CILK1: variants seen among roughly 807,000 people sequenced by gnomAD.
The protein encoded by CILK1 is ciliogenesis associated kinase 1.
A neutral mutation model predicts 79.2 loss-of-function variants in CILK1; 47 were observed. The ratio of observed to expected loss-of-function variants is 0.59; its 90% confidence interval spans 0.47 to 0.76. The LOEUF (loss-of-function observed/expected upper bound fraction) is 0.76. Ranked by LOEUF, CILK1 falls within the 30% of genes least tolerant of loss-of-function variation. The probability of loss-of-function intolerance (pLI) is 0.00; values close to 1 mark genes in which losing one functional copy is unlikely to be tolerated. For synonymous variants in CILK1, 266 were observed against 275.9 expected, an observed-to-expected ratio of 0.96 and a Z score of 0.36; for missense variants, 660 against 769.5, an observed-to-expected ratio of 0.86 and a Z score of 1.68.
In CILK1 at chr6:53,018,341, T is replaced by A. The variant is rs759836069; in HGVS notation, c.652A>T (p.Thr218Ser). 1.2e-6 allele frequency: 2 copies of A among 1,614,166 alleles called. No individual in the cohort carries two copies. Among genetic ancestry groups the A allele is most frequent in the East Asian group, 2.2e-5 (1 of 44,884 alleles). ...TIFKICQVLGTPKKTDWPEGY... is the reference protein window; with the variant it reads ...TIFKICQVLGSPKKTDWPEGY... ...TTTTGTATCATTACCTTTTTTGGTGTCCCCAGCACTTGGCAAATTTTGAAT... is the reference window on the plus strand; with the variant it reads ...TTTTGTATCATTACCTTTTTTGGTGACCCCAGCACTTGGCAAATTTTGAAT... The change falls in exon 7 of 14, where the codon ACA becomes TCA. Residue 218 changes from threonine (T) to serine (S), a missense_variant. By Grantham distance (58) the Thr-to-Ser change is moderately conservative (BLOSUM62 1). Transcript: ENST00000676107.
chr6:53,045,312 T>C (rs1053679625), intron 1 of CILK1, among the ~76,000 whole-genome samples: 4 of 152,304 alleles, frequency 2.6e-5, no homozygotes, highest in African/African-American at 9.6e-5. Flanking sequence ...TGTTTTCCCC[T>C]TTTTCTTCTT....
intron 1 of CILK1, among the ~76,000 whole-genome samples, chr6:53,055,703 A>T (rs904746020): frequency 6.6e-6 from 1 of 152,170 alleles, no homozygotes; most frequent in Non-Finnish European, 1.5e-5. Context: ...TAATCCCATG[A>T]GAAGCTTCCA....
chr6:53,016,300 TAA>T, intron 7 of CILK1, 50 bp from the exon 8 acceptor site: 1 of 1,595,020 alleles, frequency 6.3e-7, no homozygotes, highest in South Asian at 1.1e-5. Context: ...TGCTGTGATA[TAA>T]GTTTGTATTC....
At position 53,038,000 on chromosome 6, in the gene CILK1, G is replaced by A; in HGVS notation, c.102-7C>T. 1.9e-6 allele frequency: 3 copies of A among 1,588,752 alleles called. No homozygotes were observed. The highest frequency in any genetic ancestry group is 2.6e-6 in the Non-Finnish European group (3 of 1,157,090). On this transcript the variant is annotated splice_region_variant and splice_polypyrimidine_tract_variant and intron_variant, in intron 2 of 13. Coordinates refer to ENST00000676107, the MANE Select transcript of CILK1 (RefSeq NM_014920.5). ...ATAAAATTTTCTTTTCATTCTAGAA[G>A]AGAAGAAAGAAACAAACAGCACACT...
intron 1 of CILK1, among the ~76,000 whole-genome samples, chr6:53,050,449 A>C (rs1767402925): frequency 6.6e-6 from 1 of 151,574 alleles, no homozygotes. Context: ...ATATATATAC[A>C]CATTTCACAT....
At chr6:53,034,022 G>C (rs1394070287) in intron 3 of CILK1, among the ~76,000 whole-genome samples, 1 of 152,162 alleles carries the variant, frequency 6.6e-6, no homozygotes, top group African/African-American at 2.4e-5. Context: ...TGGATTCCTG[G>C]TTCTCCATGA....
intron 8 of CILK1, among the ~76,000 whole-genome samples, chr6:53,015,595 A>T (rs572185352): frequency 6.6e-6 from 1 of 152,362 alleles, no homozygotes; most frequent in African/African-American, 2.4e-5. Context: ...TATAAAATAT[A>T]TTCAAGCATT....
intron 1 of CILK1, among the ~76,000 whole-genome samples, chr6:53,059,253 CATGAGATTAATAGTAGGAGA>C (rs1389501073): frequency 1.3e-5 from 2 of 152,186 alleles, no homozygotes; most frequent in African/African-American, 4.8e-5. Flanking sequence ...CTATTTTGCA[CATGAGATTAATAGTAGGAGA>C]ATTACAGAAG....
chr6:53,018,387 T>A lies in CILK1; in HGVS notation c.606A>T (p.Gly202=), dbSNP rs764627389. The stretch of plus-strand genomic sequence containing the variant: ...TGAATATTGTGTCAATTTCACTGGC[T>A]CCAGGGAAGAGTGGCCTGAGGGTGT... The part of the protein sequence containing the change: ...EVYTLRPLFP[G]ASEIDTIFKI... Residue 202 remains glycine, a synonymous_variant, in exon 7 of 14, where the codon GGA becomes GGT. Coordinates refer to ENST00000676107, the MANE Select transcript of CILK1 (RefSeq NM_014920.5). 1.2e-6 allele frequency: 2 copies of A among 1,614,020 alleles called. No homozygotes were observed. Among genetic ancestry groups the A allele is most frequent in the Non-Finnish European group, 1.7e-6 (2 of 1,180,008 alleles).
At chr6:53,053,064 A>C (rs1353979289) in intron 1 of CILK1, among the ~76,000 whole-genome samples, 1 of 151,728 alleles carries the variant, frequency 6.6e-6, no homozygotes, top group East Asian at 1.9e-4. Context: ...AAAAAAAAAA[A>C]ACCTTATACT....
chr6:53,057,897 C>T (rs980870260), intron 1 of CILK1: 1 of 152,072 alleles, frequency 6.6e-6, no homozygotes, highest in African/African-American at 2.4e-5. Flanking sequence ...TGGTAAAAAG[C>T]ATATGAATAT....
In CILK1 at chr6:53,020,650, C is replaced by T. The variant is rs150690388; in HGVS notation, c.359-1291G>A. ...CTGAAAAAATCCAAATTCAGAAACACTGCTGGACCCAAGCATTTCAAGTAA... is the reference window on the plus strand; with the variant it reads ...CTGAAAAAATCCAAATTCAGAAACATTGCTGGACCCAAGCATTTCAAGTAA... On this transcript the variant is annotated intron_variant, in intron 5 of 13. Coordinates refer to ENST00000676107, the MANE Select transcript of CILK1 (RefSeq NM_014920.5). 1.8e-3 allele frequency among the ~76,000 whole-genome samples: 271 copies of T among 152,274 alleles called. 2 individuals carry two copies. The highest frequency in any genetic ancestry group is 5.9e-3 in the African/African-American group (247 of 41,538).
chr6:53,059,828 G>T lies in CILK1; in HGVS notation c.-173+1768C>A, dbSNP rs1321420883. On this transcript the variant is annotated intron_variant, in intron 1 of 13. Transcript: ENST00000676107. ...AAGTGATCATTTTAAAGATTAGACAGGCAATAGAACACTGAAAAGACCAGA... is the reference window on the plus strand; with the variant it reads ...AAGTGATCATTTTAAAGATTAGACATGCAATAGAACACTGAAAAGACCAGA... Among the ~76,000 whole-genome samples, 6 of 152,160 alleles carry T rather than the reference G, an allele frequency of 3.9e-5. 1 individual carries two copies. The highest frequency in any genetic ancestry group is 7.3e-5 in the Non-Finnish European group (5 of 68,038).
intron 1 of CILK1, among the ~76,000 whole-genome samples, chr6:53,045,373 A>T (rs185180632): frequency 2.0e-3 from 299 of 152,288 alleles, no homozygotes; most frequent in African/African-American, 6.9e-3. Flanking sequence ...TCAACTTTTG[A>T]TGGTTTGACT....
intron 1 of CILK1, among the ~76,000 whole-genome samples, chr6:53,054,062 T>A (rs1003346166): frequency 6.6e-6 from 1 of 152,174 alleles, no homozygotes; most frequent in Admixed American, 6.5e-5. Flanking sequence ...GAGAAGACAG[T>A]GCCACCGAAG....
chr6:53,027,798 A>G (rs561231132), intron 5 of CILK1, among the ~76,000 whole-genome samples: 1 of 152,316 alleles, frequency 6.6e-6, no homozygotes, highest in African/African-American at 2.4e-5. Flanking sequence ...TGACAGCAGG[A>G]GTTGGAGACC....
chr6:53,015,547 A>G (rs1764841987), intron 8 of CILK1, among the ~76,000 whole-genome samples: 1 of 152,226 alleles, frequency 6.6e-6, no homozygotes, highest in Non-Finnish European at 1.5e-5. Flanking sequence ...GAAAACAATA[A>G]TGCCTGTCTC....
At chr6:53,053,219 A>G (rs1767610775) in intron 1 of CILK1, among the ~76,000 whole-genome samples, 1 of 152,168 alleles carries the variant, frequency 6.6e-6, no homozygotes, top group African/African-American at 2.4e-5. Flanking sequence ...AGCTTCTGGT[A>G]CAGATAGTTA....
At chr6:53,030,580 T>C (rs1032352281) in intron 5 of CILK1, among the ~76,000 whole-genome samples, 1 of 152,262 alleles carries the variant, frequency 6.6e-6, no homozygotes, top group African/African-American at 2.4e-5. Context: ...CATCTTGTTT[T>C]GCCTTTGTCT....
Sources: gnomAD v4.1 joint callset for allele counts (sites outside exome capture counted in the v4.1 genomes callset) on GRCh38, gnomAD v4.1.1 for gene constraint, MANE v1.5 for transcripts, NCBI Gene and HGNC (gene_info 2026-07-23, HGNC 2026-07-21) for gene names.